TNIK: variants seen among roughly 807,000 people sequenced by gnomAD.
TNIK encodes TRAF2 and NCK-interacting protein kinase.
TNIK carries 49 observed loss-of-function variants against 191.3 expected under a neutral mutation model. The observed-to-expected ratio is 0.26, with a 90% CI of 0.20 to 0.32. TNIK has a LOEUF of 0.32. Among genes scored for constraint, TNIK ranks in the 10% least tolerant of loss-of-function variants. The probability of loss-of-function intolerance (pLI) is 1.00; values close to 1 mark genes in which losing one functional copy is unlikely to be tolerated. For synonymous variants in TNIK, 594 were observed against 600.9 expected (o/e 0.99, Z 0.17); for missense variants, 1,155 against 1,702.3 (o/e 0.68, Z 5.66).
chr3:171,319,950 C>A (rs1463653093), intron 2 of TNIK, among the ~76,000 whole-genome samples: 1 of 152,164 alleles, frequency 6.6e-6, no homozygotes, highest in African/African-American at 2.4e-5. Context: ...TCAGCCCTCA[C>A]CCAATCTTGG....
At chr3:171,118,481 G>C (rs1441581795) in intron 18 of TNIK, among the ~76,000 whole-genome samples, 2 of 152,164 alleles carry the variant, frequency 1.3e-5, no homozygotes, top group Non-Finnish European at 2.9e-5. Context: ...ACATTGCCAA[G>C]TCAATCCTAA....
At position 171,177,182 on chromosome 3, in the gene TNIK, T is replaced by C. The variant is rs1265283692; in HGVS notation, c.694+144A>G. 6.1e-6 allele frequency: 4 copies of C among 653,810 alleles called. 1 individual carries two copies. The highest frequency in any genetic ancestry group is 7.0e-5 in the South Asian group (2 of 28,688). The allele number at this position is 653,810 out of a possible 1,614,324, so 40.5% of individuals were successfully genotyped here. On this transcript the variant is annotated intron_variant, in intron 8 of 32. Coordinates refer to ENST00000436636, the MANE Select transcript of TNIK (RefSeq NM_015028.4). ...GAATGGATTCCTGGTTGATTTAAGATGACTCTGCTTTCTAAATATGCCAGC... is the reference window on the plus strand; with the variant it reads ...GAATGGATTCCTGGTTGATTTAAGACGACTCTGCTTTCTAAATATGCCAGC...
chr3:171,347,732 A>AT (rs1203855289), intron 2 of TNIK, among the ~76,000 whole-genome samples: 1 of 152,172 alleles, frequency 6.6e-6, no homozygotes, highest in Non-Finnish European at 1.5e-5. Context: ...AGCTTTTATA[A>AT]TAGCCTGTCC....
At chr3:171,178,960 AG>A (rs1462599778) in intron 7 of TNIK, among the ~76,000 whole-genome samples, 1 of 152,166 alleles carries the variant, frequency 6.6e-6, no homozygotes, top group Non-Finnish European at 1.5e-5. Context: ...AATGACACTC[AG>A]GGCTCTTCAG....
chr3:171,068,107 T>G (rs1718706055), intron 30 of TNIK, among the ~76,000 whole-genome samples: 1 of 152,208 alleles, frequency 6.6e-6, no homozygotes. Context: ...TACACTACAC[T>G]TAATCCTAAT....
intron 19 of TNIK, among the ~76,000 whole-genome samples, chr3:171,108,574 CAG>C (rs1313252278): frequency 3.9e-5 from 6 of 152,162 alleles, no homozygotes; most frequent in African/African-American, 1.4e-4. Context: ...AAATTATAGA[CAG>C]AGCTGGAGTT....
intron 1 of TNIK, among the ~76,000 whole-genome samples, chr3:171,382,246 A>AGG (rs1718138662): frequency 9.7e-6 from 1 of 103,262 alleles, no homozygotes; most frequent in Non-Finnish European, 1.9e-5. Context: ...TTTTTGAGAC[A>AGG]GTCTCGCTCT....
At chr3:171,180,965 C>A (rs1446491522) in intron 7 of TNIK, among the ~76,000 whole-genome samples, 2 of 152,196 alleles carry the variant, frequency 1.3e-5, no homozygotes, top group East Asian at 3.8e-4. Context: ...AAACTCGCCT[C>A]AATTTCCCAA....
At chr3:171,275,060 ATC>A (rs1749564390) in intron 2 of TNIK, among the ~76,000 whole-genome samples, 1 of 152,010 alleles carries the variant, frequency 6.6e-6, no homozygotes, top group Non-Finnish European at 1.5e-5. Flanking sequence ...CCAACTAATA[ATC>A]TCTCTTTTTT....
At chr3:171,152,718 A>T (rs1314989351) in intron 12 of TNIK, among the ~76,000 whole-genome samples, 1 of 152,106 alleles carries the variant, frequency 6.6e-6, no homozygotes, top group Non-Finnish European at 1.5e-5. Context: ...AAGACAGGAA[A>T]TGAAAGAATT....
rs397805257 is a variant in TNIK, at chr3:171,074,046, T to TA, written c.3449-2724dup. Among the ~76,000 whole-genome samples the TA allele has an allele frequency of 1.5e-3, 223 of 148,778 alleles. 1 individual carries two copies. The highest frequency in any genetic ancestry group is 3.2e-3 in the South Asian group (15 of 4,698). On this transcript the variant is annotated intron_variant, in intron 28 of 32. Transcript: ENST00000436636. ...GGAAAATAACTTTTTTTTTTTTTTT[T>TA]AAATCAAAAGGGCACCTGCATTTGT... is the stretch of plus-strand genomic sequence containing the variant.
intron 4 of TNIK, among the ~76,000 whole-genome samples, chr3:171,209,058 G>T (rs1207507864): frequency 1.1e-5 from 1 of 93,050 alleles, no homozygotes; most frequent in Non-Finnish European, 2.2e-5. Flanking sequence ...TGTTTGCTTT[G>T]GAAGGGGTGT....
At chr3:171,087,270 T>C in intron 24 of TNIK, 72 bp downstream of exon 24, 1 of 1,590,352 alleles carries the variant, frequency 6.3e-7, no homozygotes, top group Non-Finnish European at 8.6e-7. Flanking sequence ...GCCTCATTCT[T>C]GAAGAGATCA....
At chr3:171,394,868 A>G (rs1720021762) in intron 1 of TNIK, among the ~76,000 whole-genome samples, 2 of 152,228 alleles carry the variant, frequency 1.3e-5, no homozygotes, top group East Asian at 3.8e-4. Context: ...ATGGATTCTC[A>G]GATTGGCAAA....
At chr3:171,311,222 CATG>C (rs1281691579) in intron 2 of TNIK, among the ~76,000 whole-genome samples, 3 of 152,134 alleles carry the variant, frequency 2.0e-5, no homozygotes, top group Admixed American at 1.3e-4. Context: ...ACTCATAATA[CATG>C]ATGAGAACCT....
chr3:171,121,614 C>G (rs1170532156), intron 18 of TNIK, among the ~76,000 whole-genome samples: 15 of 152,194 alleles, frequency 9.9e-5, no homozygotes, highest in Admixed American at 8.5e-4. Flanking sequence ...CAGCTGAACT[C>G]CTTAGCCAAC....
intron 16 of TNIK, among the ~76,000 whole-genome samples, chr3:171,126,753 C>G (rs1418992389): frequency 1.3e-5 from 2 of 152,228 alleles, no homozygotes; most frequent in African/African-American, 4.8e-5. Context: ...TGATATTCTA[C>G]TTTCTCCTGT....
At chr3:171,105,827 C>T (rs1322522098) in intron 21 of TNIK, among the ~76,000 whole-genome samples, 1 of 152,136 alleles carries the variant, frequency 6.6e-6, no homozygotes, top group African/African-American at 2.4e-5. Context: ...ATTTTATTGG[C>T]AACTGTAGCA....
chr3:171,165,870 G>C (rs2108751251), intron 10 of TNIK, among the ~76,000 whole-genome samples: 1 of 152,198 alleles, frequency 6.6e-6, no homozygotes, highest in African/African-American at 2.4e-5. Context: ...AGCCCTCACT[G>C]CTGTCCTCTC....
Sources: gnomAD v4.1 joint callset for allele counts (sites outside exome capture counted in the v4.1 genomes callset) on GRCh38, gnomAD v4.1.1 for gene constraint, MANE v1.5 for transcripts, NCBI Gene and HGNC (gene_info 2026-07-23, HGNC 2026-07-21) for gene names.